The following CDH10 variants were observed in gnomAD, a reference collection of about 807,000 sequenced individuals.
The protein encoded by CDH10 is cadherin-10.
Under a neutral mutation model 73.1 loss-of-function variants are expected in CDH10, and 30 were observed. That is an observed-to-expected ratio of 0.41 (90% CI 0.31 to 0.56). CDH10 has a LOEUF of 0.56. Ranked by LOEUF, CDH10 falls within the 20% of genes least tolerant of loss-of-function variation. The pLI, the probability that CDH10 is intolerant of heterozygous loss-of-function variation, is 0.27. For synonymous variants in CDH10, 345 were observed against 348.2 expected (o/e 0.99, Z 0.10); for missense variants, 815 against 973.7 (o/e 0.84, Z 2.17).
intron 2 of CDH10, among the ~76,000 whole-genome samples, chr5:24,568,376 C>G (rs536443236): frequency 6.6e-6 from 1 of 151,974 alleles, no homozygotes; most frequent in East Asian, 1.9e-4. Context: ...TCCAAATGGC[C>G]AGTAAGTACA....
chr5:24,604,880 A>AC (rs1746697827), intron 1 of CDH10, among the ~76,000 whole-genome samples: 1 of 150,422 alleles, frequency 6.6e-6, no homozygotes, highest in Non-Finnish European at 1.5e-5. Context: ...CTAAAAAAAA[A>AC]AAAAAAAAAA....
At position 24,488,030 on chromosome 5, in the gene CDH10, G is replaced by A. The variant is rs758238763; in HGVS notation, c.2000C>T (p.Thr667Ile). 6.2e-7 allele frequency: 1 copy of A among 1,613,830 alleles called. No homozygotes were observed. The highest frequency in any genetic ancestry group is 8.5e-7 in the Non-Finnish European group (1 of 1,179,936). ...CAGGGTGCCGATATCAAAGGCCTGG[G>A]TGTCCTCCTCTCCACCACCCTCATC... ...YNDEGGGEED[T>I]QAFDIGTLRN... Residue 667 changes from threonine (T) to isoleucine (I), a missense_variant, in exon 12 of 12, where the codon ACC becomes ATC. Coordinates refer to ENST00000264463, the MANE Select transcript of CDH10 (RefSeq NM_006727.5).
At chr5:24,536,569 A>G (rs1369149493) in intron 3 of CDH10, among the ~76,000 whole-genome samples, 1 of 152,096 alleles carries the variant, frequency 6.6e-6, no homozygotes, top group African/African-American at 2.4e-5. Flanking sequence ...ATATGACTCT[A>G]AAAATGTTAT....
At chr5:24,644,047 G>C (rs1436058325) in intron 1 of CDH10, among the ~76,000 whole-genome samples, 1 of 152,036 alleles carries the variant, frequency 6.6e-6, no homozygotes, top group East Asian at 1.9e-4. Context: ...TCAATCTATT[G>C]TATTTATGTA....
At chr5:24,492,438 A>G (rs138523746) in intron 10 of CDH10, among the ~76,000 whole-genome samples, 2 of 152,252 alleles carry the variant, frequency 1.3e-5, no homozygotes, top group African/African-American at 2.4e-5. Flanking sequence ...TTCCTTATGT[A>G]TATTTGGCTT....
At chr5:24,512,293 C>T (rs778997598) in intron 5 of CDH10, among the ~76,000 whole-genome samples, 2 of 151,930 alleles carry the variant, frequency 1.3e-5, no homozygotes, top group Non-Finnish European at 2.9e-5. Flanking sequence ...ACGCAAGCCA[C>T]GCACCAACCA....
intron 1 of CDH10, among the ~76,000 whole-genome samples, chr5:24,635,610 T>C (rs1747842593): frequency 6.6e-6 from 1 of 151,860 alleles, no homozygotes. Context: ...GTCTTTCCTA[T>C]CGTTTACAAA....
At chr5:24,554,510 GTGTGTGTGT>G (rs1460403471) in intron 2 of CDH10, among the ~76,000 whole-genome samples, 2 of 145,016 alleles carry the variant, frequency 1.4e-5, no homozygotes, top group South Asian at 2.1e-4. Context: ...GTGTGTGTGT[GTGTGTGTGT>G]GCACGTGCAT....
rs748465930 is a variant in CDH10, at chr5:24,491,790, G to A, written c.1662C>T (p.Phe554=). 1.2e-6 allele frequency: 2 copies of A among 1,602,574 alleles called. No homozygotes were observed. The highest frequency in any genetic ancestry group is 4.5e-5 in the East Asian group (2 of 44,738). The part of the protein sequence containing the change: ...TARILTRKNG[F]NRHEISTYLL... ...GATAGGTACTGATTTCATGTCTATTGAATCCATTTTTTCTGGTTAAGATTC... is the reference window on the plus strand; with the variant it reads ...GATAGGTACTGATTTCATGTCTATTAAATCCATTTTTTCTGGTTAAGATTC... Residue 554 remains phenylalanine (F), a synonymous_variant, in exon 11 of 12, where the codon TTC becomes TTT. Coordinates refer to ENST00000264463, the MANE Select transcript of CDH10 (RefSeq NM_006727.5).
chr5:24,607,364 A>G (rs1247839938), intron 1 of CDH10, among the ~76,000 whole-genome samples: 1 of 152,154 alleles, frequency 6.6e-6, no homozygotes, highest in Non-Finnish European at 1.5e-5. Context: ...GAACAGAACA[A>G]AAATAGGGAA....
chr5:24,572,143 T>C (rs1375920650), intron 2 of CDH10, among the ~76,000 whole-genome samples: 2 of 152,114 alleles, frequency 1.3e-5, no homozygotes, highest in Non-Finnish European at 2.9e-5. Context: ...TGGAGCTCTG[T>C]CTGAAGAAGA....
rs535379025 is a variant in CDH10 at position 24,586,494 on chromosome 5, G to T, written c.231+6766C>A. The stretch of plus-strand genomic sequence containing the variant: ...AGCTCTTTTTGCCGAGGCTGGAGTG[G>T]TGCATTGGGGCAATCTCAACTCACT... On this transcript the variant is annotated intron_variant, in intron 2 of 11. Transcript: ENST00000264463. Among the ~76,000 whole-genome samples the T allele has an allele frequency of 6.8e-5, 10 of 146,702 alleles. No homozygotes were observed. In the East Asian group the frequency reaches 1.6e-3, roughly 24 times the overall value.
chr5:24,492,581 A>G (rs1337894990), intron 10 of CDH10, among the ~76,000 whole-genome samples: 1 of 152,152 alleles, frequency 6.6e-6, no homozygotes, highest in Admixed American at 6.5e-5. Context: ...TTATCAAGAC[A>G]CAATCATTTT....
chr5:24,614,023 G>A (rs16893647), intron 1 of CDH10, among the ~76,000 whole-genome samples: 4,803 of 152,118 alleles, frequency 0.032, 143 homozygotes, highest in East Asian at 0.098. Flanking sequence ...TTAAAAATGT[G>A]CATTCCGGAA....
At position 24,488,067 on chromosome 5, in the gene CDH10, C is replaced by A. The variant is rs1249207433; in HGVS notation, c.1963G>T (p.Val655Leu). 1 of 1,613,968 alleles carries A rather than the reference C, an allele frequency of 6.2e-7. No individual in the cohort carries two copies. Residue 655 changes from valine to leucine, a missense_variant, in exon 12 of 12, where the codon GTG becomes TTG. By Grantham distance (32) the Val-to-Leu change is conservative. Coordinates refer to ENST00000264463, the MANE Select transcript of CDH10 (RefSeq NM_006727.5). ...CCACCACCCTCATCGTTATAGCTCA[C>A]AATGTTGTCTCTGATATCTTCTTTT... ...LSKEDIRDNIVSYNDEGGGEE... is the reference protein window; with the variant it reads ...LSKEDIRDNILSYNDEGGGEE...
At chr5:24,531,384 A>G (rs2111860109) in intron 5 of CDH10, among the ~76,000 whole-genome samples, 1 of 152,230 alleles carries the variant, frequency 6.6e-6, no homozygotes, top group East Asian at 1.9e-4. Context: ...CTATTTTGAC[A>G]AACACCATAT....
chr5:24,492,414 C>G (rs1315068212), intron 10 of CDH10, among the ~76,000 whole-genome samples: 3 of 152,080 alleles, frequency 2.0e-5, no homozygotes, highest in African/African-American at 7.2e-5. Flanking sequence ...CAGGCTACTT[C>G]TCATTCTTTT....
intron 5 of CDH10, among the ~76,000 whole-genome samples, chr5:24,534,793 A>G (rs1743883603): frequency 6.6e-6 from 1 of 152,136 alleles, no homozygotes; most frequent in South Asian, 2.1e-4. Context: ...TTTGTTTTCT[A>G]ATAAACATTG....
chr5:24,573,592 T>TC (rs1188139560), intron 2 of CDH10, among the ~76,000 whole-genome samples: 1 of 150,608 alleles, frequency 6.6e-6, no homozygotes, highest in Non-Finnish European at 1.5e-5. Flanking sequence ...TCCCAGCTAC[T>TC]CCGGAGGCTG....
Sources: gnomAD v4.1 joint callset for allele counts (sites outside exome capture counted in the v4.1 genomes callset) on GRCh38, gnomAD v4.1.1 for gene constraint, MANE v1.5 for transcripts, NCBI Gene and HGNC (gene_info 2026-07-23, HGNC 2026-07-21) for gene names.